RECQL5: variants seen among roughly 807,000 people sequenced by gnomAD.
The protein encoded by RECQL5 is ATP-dependent DNA helicase Q5.
RECQL5 carries 88 observed loss-of-function variants against 103.4 expected under a neutral mutation model. That is an observed-to-expected ratio of 0.85 (90% CI 0.72 to 1.02). RECQL5 has a LOEUF of 1.02. RECQL5 is among the 50% of genes least tolerant of loss of function. RECQL5 has a pLI of 0.00. For synonymous variants in RECQL5, 552 were observed against 507.9 expected, an observed-to-expected ratio of 1.09 and a Z score of -1.17; for missense variants, 1,232 against 1,284.3, an observed-to-expected ratio of 0.96 and a Z score of 0.62.
chr17:75,630,642 G>A lies in RECQL5; in HGVS notation c.1695C>T (p.Arg565=). 1 of 1,613,504 alleles carries A rather than the reference G, an allele frequency of 6.2e-7. No individual in the cohort carries two copies. Among genetic ancestry groups the A allele is most frequent in the Non-Finnish European group, 8.5e-7 (1 of 1,179,920 alleles). The stretch of plus-strand genomic sequence containing the variant: ...ACTCATCAGCGGTACGTGTTGACTG[G>A]CGGTTGCTGCTCAGCGCCTCCTCCA... ...RLLEEALSSN[R]QSTRTADEAD... is the part of the protein sequence containing the mutation. Residue 565 remains arginine (R), a synonymous_variant, in exon 13 of 20, where the codon CGC becomes CGT. Coordinates refer to ENST00000317905, the MANE Select transcript of RECQL5 (RefSeq NM_004259.7).
chr17:75,630,175 C>G lies in RECQL5; in HGVS notation c.1812+9G>C, dbSNP rs1020401310. On this transcript the variant is annotated intron_variant, in intron 14 of 19. Coordinates refer to ENST00000317905, the MANE Select transcript of RECQL5 (RefSeq NM_004259.7). ...GCAACGACCCTGGGTCCGCCTGCAC[C>G]AGGCCCACCTTCTTCAGCACGCTGG... 11 of 1,540,306 alleles carry G rather than the reference C, an allele frequency of 7.1e-6. No homozygotes were observed. In the African/African-American group the frequency reaches 1.5e-4, roughly 21 times the overall value.
chr17:75,652,099 T>C (rs1056825064), intron 7 of RECQL5, among the ~76,000 whole-genome samples: 2 of 152,092 alleles, frequency 1.3e-5, no homozygotes, highest in African/African-American at 4.8e-5. Context: ...TGGTGGTGCA[T>C]GTCTGTGATC....
At chr17:75,661,492 G>T (rs2148340740) in intron 5 of RECQL5, 114 bp downstream of exon 5, 2 of 731,028 alleles carry the variant, frequency 2.7e-6, no homozygotes, top group Non-Finnish European at 4.8e-6. Flanking sequence ...AGCTCTGCCT[G>T]AGTATCTGCA....
In RECQL5 at chr17:75,640,294, G is replaced by A. The variant is rs2059411259; in HGVS notation, c.1230-8626C>T. 1 of 1,551,128 alleles carries A rather than the reference G, an allele frequency of 6.4e-7. No homozygotes were observed. Among genetic ancestry groups the A allele is most frequent in the Non-Finnish European group, 8.7e-7 (1 of 1,146,708 alleles). On this transcript the variant is annotated intron_variant, in intron 8 of 19. Coordinates refer to ENST00000317905, the MANE Select transcript of RECQL5 (RefSeq NM_004259.7). This position sits in a 1 kb window ranked among gnomAD's most constrained non-coding sequence, Gnocchi z 4.6. The stretch of plus-strand genomic sequence containing the variant: ...GACTGCCCCAGGCTGAGCCCGTGGA[G>A]ATCGTGGCCTTCTCAGTCATCATCC...
intron 5 of RECQL5, among the ~76,000 whole-genome samples, chr17:75,661,358 C>A (rs899024244): frequency 1.3e-5 from 2 of 152,220 alleles, no homozygotes; most frequent in African/African-American, 4.8e-5. Context: ...ATTACCTTGG[C>A]TTGTAAAAAC....
chr17:75,663,424 G>GA (rs957762929), intron 3 of RECQL5, among the ~76,000 whole-genome samples: 15 of 151,924 alleles, frequency 9.9e-5, no homozygotes, highest in African/African-American at 2.9e-4. Flanking sequence ...TTTTGTGCAT[G>GA]AAAAAACAGT....
intron 8 of RECQL5, among the ~76,000 whole-genome samples, chr17:75,643,715 A>G (rs2148299237): frequency 6.6e-6 from 1 of 152,334 alleles, no homozygotes; most frequent in East Asian, 1.9e-4. Flanking sequence ...GGTGGGGGCC[A>G]TGGAAGGGGC....
At chr17:75,647,673 G>A in intron 8 of RECQL5, 1 of 1,068,844 alleles carries the variant, frequency 9.4e-7, no homozygotes, top group East Asian at 2.6e-5. Context: ...CCAAGCCCTG[G>A]TGTCTTCCTT....
intron 8 of RECQL5, chr17:75,633,712 GCA>G: frequency 1.8e-6 from 2 of 1,123,392 alleles, no homozygotes; most frequent in South Asian, 3.7e-5. Context: ...CTTCCTGAGG[GCA>G]GGGTGGGTGC....
Position 75,640,271 on chromosome 17 carries a change from C to T in RECQL5, c.1230-8603G>A, listed in dbSNP as rs1345602244. On this transcript the variant is annotated intron_variant, in intron 8 of 19. Transcript: ENST00000317905. This position sits in a 1 kb window ranked among gnomAD's most constrained non-coding sequence, Gnocchi z 4.6. ...GAGGCTGCTGCTCAAGCTGCAGAGA[C>T]TGCCCCAGGCTGAGCCCGTGGAGAT... 2.6e-6 allele frequency: 4 copies of T among 1,551,506 alleles called. No individual in the cohort carries two copies. The highest frequency in any genetic ancestry group is 3.5e-6 in the Non-Finnish European group (4 of 1,146,906).
At chr17:75,650,237 C>T (rs920730834) in intron 8 of RECQL5, 1 of 992,016 alleles carries the variant, frequency 1.0e-6, no homozygotes, top group Non-Finnish European at 1.2e-6. Flanking sequence ...TTTTGCTGGG[C>T]GTGGTCTTGC....
chr17:75,666,731 T>C, intron 1 of RECQL5, 160 bp from the exon 2 acceptor site: 1 of 665,958 alleles, frequency 1.5e-6, no homozygotes, highest in East Asian at 2.8e-5. Flanking sequence ...CCTCAAGCAA[T>C]ACATTCCTCA....
rs1417367372 is a variant in RECQL5, at chr17:75,636,547, CCA to C, written c.1230-4881_1230-4880del. Reference sequence around the variant, plus strand: ...TTAGGAGCAGCGGCTGGGGCACATGCCACACAGTCACCTGACGGCTGCTGGTT... The same window carrying C: ...TTAGGAGCAGCGGCTGGGGCACATGCCACAGTCACCTGACGGCTGCTGGTT... On this transcript the variant is annotated intron_variant, in intron 8 of 19. Transcript: ENST00000317905. This position sits in a 1 kb window ranked among gnomAD's most constrained non-coding sequence, Gnocchi z 5.4. 1 of 152,212 alleles carries C rather than the reference CCA, an allele frequency of 6.6e-6. No homozygotes were observed. The highest frequency in any genetic ancestry group is 1.5e-5 in the Non-Finnish European group (1 of 68,060). 9.4% of individuals were successfully genotyped at this position (152,212 alleles called of 1,614,324 possible). A position where few individuals can be genotyped will look rare whatever the true frequency, so the allele number is the denominator to read the frequency against.
rs781678454 is a variant in RECQL5, at chr17:75,651,222, G to C, written c.1193C>G (p.Ala398Gly). ...NKASDKATIM[A>G]FDALVTFCEE... ...ACAGAAGGTCACCAGGGCATCAAAG[G>C]CCATGATAGTGGCTTTATCAGATGC... is the stretch of plus-strand genomic sequence containing the variant. Residue 398 changes from alanine to glycine, a missense_variant, in exon 8 of 20, where the codon GCC (alanine) becomes GGC (glycine). Coordinates refer to ENST00000317905, the MANE Select transcript of RECQL5 (RefSeq NM_004259.7). 6 of 1,614,208 alleles carry C rather than the reference G, an allele frequency of 3.7e-6. No homozygotes were observed. The highest frequency in any genetic ancestry group is 5.1e-6 in the Non-Finnish European group (6 of 1,180,036).
In RECQL5 at chr17:75,640,470, A is replaced by G. The variant is rs1026274478; in HGVS notation, c.1230-8802T>C. ...ACCAGTTGTCCCTTGGGGGAAGCCA[A>G]GGGACTTCCCTCATCCTCTGATATG... On this transcript the variant is annotated intron_variant, in intron 8 of 19. Transcript: ENST00000317905. This position sits in a 1 kb window ranked among gnomAD's most constrained non-coding sequence, Gnocchi z 4.6. 2.3e-6 allele frequency: 3 copies of G among 1,326,138 alleles called. No homozygotes were observed. In the Admixed American group the frequency reaches 8.7e-5, roughly 39 times the overall value. The allele number at this position is 1,326,138 out of a possible 1,614,324, so 82.1% of individuals were successfully genotyped here.
At chr17:75,662,424 T>C (rs2059711800) in intron 4 of RECQL5, 55 bp downstream of exon 4, 3 of 1,558,124 alleles carry the variant, frequency 1.9e-6, no homozygotes, top group Non-Finnish European at 2.6e-6. Context: ...TCCATCTCCA[T>C]CACATCGCAC....
intron 12 of RECQL5, 42 bp from the exon 13 acceptor site, chr17:75,630,734 G>A (rs760985286): frequency 3.1e-6 from 5 of 1,604,744 alleles, no homozygotes; most frequent in South Asian, 2.2e-5. Context: ...CCTCGCGGCT[G>A]GGGGAGGGCC....
chr17:75,628,365 G>A lies in RECQL5; in HGVS notation c.2658C>T (p.Ser886=), dbSNP rs755511674. ...AGGTGCCCTGTTCGCTGGCCGAGACGCTGCCCTTGACCTCAGCTACGACGG... is the reference window on the plus strand; with the variant it reads ...AGGTGCCCTGTTCGCTGGCCGAGACACTGCCCTTGACCTCAGCTACGACGG... ...KPSVVAEVKG[S]VSASEQGTLN... The change falls in exon 18 of 20, where the codon AGC becomes AGT. Residue 886 remains serine, a synonymous_variant. Coordinates refer to ENST00000317905, the MANE Select transcript of RECQL5 (RefSeq NM_004259.7). 2.9e-5 allele frequency: 47 copies of A among 1,613,946 alleles called. No homozygotes were observed. Among genetic ancestry groups the A allele is most frequent in the Admixed American group, 1.7e-4 (10 of 60,008 alleles).
rs774967043 is a variant in RECQL5, at chr17:75,629,123, A to C, written c.2300T>G (p.Phe767Cys). 2.7e-5 allele frequency: 43 copies of C among 1,613,672 alleles called. No homozygotes were observed. The highest frequency in any genetic ancestry group is 1.1e-4 in the South Asian group (10 of 91,094). Residue 767 changes from phenylalanine (F) to cysteine (C), a missense_variant, in exon 16 of 20, where the codon TTC becomes TGC. Transcript: ENST00000317905. The stretch of plus-strand genomic sequence containing the variant: ...TGGGCTTTCCACCCTTCGGCAGAAG[A>C]AGCGGGCGATGCTCTGAGAATCCTT... Reference protein sequence around the residue: ...AHKDSQSIARFFCRRVESPAL... With the variant: ...AHKDSQSIARCFCRRVESPAL...
Sources: allele counts gnomAD v4.1 joint callset (sites outside exome capture counted in the v4.1 genomes callset), GRCh38; gene constraint gnomAD v4.1.1; non-coding constraint Gnocchi (gnomAD v3.1); transcripts MANE v1.5; gene names NCBI Gene and HGNC (gene_info 2026-07-23, HGNC 2026-07-21).